SIPA1L2: variants seen among roughly 807,000 people sequenced by gnomAD.
SIPA1L2 encodes the protein signal induced proliferation associated 1 like 2, also known as signal-induced proliferation-associated 1-like protein 2.
In SIPA1L2, 56 loss-of-function variants were observed where a neutral mutation model predicts 163.9. The ratio of observed to expected loss-of-function variants is 0.34; its 90% CI spans 0.28 to 0.43. The LOEUF (loss-of-function observed/expected upper bound fraction) is 0.43, where lower values mean the gene tolerates loss of function less well. SIPA1L2 is among the 20% of genes least tolerant of loss of function. SIPA1L2 has a pLI of 1.00. For synonymous variants in SIPA1L2, 877 were observed against 865.7 expected, an observed-to-expected ratio of 1.01 and a Z score of -0.23; for missense variants, 1,974 against 2,193.5, an observed-to-expected ratio of 0.90 and a Z score of 2.00.
In SIPA1L2 at chr1:232,441,775, C is replaced by G. The variant is rs1327714783; in HGVS notation, c.3531G>C (p.Arg1177Ser). 2 of 1,613,694 alleles carry G rather than the reference C, an allele frequency of 1.2e-6. No individual in the cohort carries two copies. The highest frequency in any genetic ancestry group is 1.7e-6 in the Non-Finnish European group (2 of 1,179,834). Residue 1177 changes from arginine (R) to serine (S), a missense_variant, in exon 13 of 23, where the codon AGG becomes AGC. This residue lies in a region of SIPA1L2 where 1,079 missense variants were observed against 1,150.7 expected (regional missense o/e 0.94). Coordinates refer to ENST00000674635, the MANE Select transcript of SIPA1L2 (RefSeq NM_020808.5). ...CCAGGAGTTCCTTATTACCCGGGTGCCTGCTTGCTTCCATGGTGTCTTCCC... is the reference window on the plus strand; with the variant it reads ...CCAGGAGTTCCTTATTACCCGGGTGGCTGCTTGCTTCCATGGTGTCTTCCC... ...REREDTMEAS[R>S]HPETKWHGPP...
intron 9 of SIPA1L2, 114 bp downstream of exon 9, chr1:232,464,726 T>C (rs1664417332): frequency 1.2e-6 from 1 of 853,524 alleles, no homozygotes; most frequent in Non-Finnish European, 1.8e-6. Context: ...CTGTAACAAA[T>C]AGTAATGCAT....
At position 232,616,987 on chromosome 1, in the gene SIPA1L2, T is replaced by G. The variant is rs77173839; in HGVS notation, c.-319+12882A>C. ...TCTGTATTTTTTCAGGGCTAATTGA[T>G]TAGTCTCCTTCACATATTATCATAA... On this transcript the variant is annotated intron_variant, in intron 1 of 22. Coordinates refer to ENST00000674635, the MANE Select transcript of SIPA1L2 (RefSeq NM_020808.5). 2.0e-4 allele frequency among the ~76,000 whole-genome samples: 30 copies of G among 152,364 alleles called. No homozygotes were observed. In the East Asian group the frequency reaches 5.8e-3, roughly 29 times the overall value.
At chr1:232,607,095 A>G (rs1483606759) in intron 1 of SIPA1L2, among the ~76,000 whole-genome samples, 1 of 152,138 alleles carries the variant, frequency 6.6e-6, no homozygotes, top group Non-Finnish European at 1.5e-5. Flanking sequence ...TCATTCAAAT[A>G]TTTTAACAGC....
chr1:232,432,176 GA>G, intron 16 of SIPA1L2, 70 bp downstream of exon 16: 1 of 1,240,602 alleles, frequency 8.1e-7, no homozygotes, highest in Non-Finnish European at 1.1e-6. Flanking sequence ...CCTTTGGGAG[GA>G]AAATACATTT....
intron 1 of SIPA1L2, among the ~76,000 whole-genome samples, chr1:232,584,485 T>G (rs1162935785): frequency 6.6e-6 from 1 of 152,226 alleles, no homozygotes; most frequent in Non-Finnish European, 1.5e-5. Context: ...CCTAGTCCAA[T>G]CATATTTCTG....
chr1:232,531,238 C>T (rs192701085), intron 2 of SIPA1L2, among the ~76,000 whole-genome samples: 43 of 149,090 alleles, frequency 2.9e-4, no homozygotes, highest in African/African-American at 8.6e-4. Context: ...TTTACCTATC[C>T]GCCTTACCAA....
At chr1:232,461,509 C>T (rs1216658929) in intron 9 of SIPA1L2, among the ~76,000 whole-genome samples, 2 of 152,214 alleles carry the variant, frequency 1.3e-5, no homozygotes, top group Admixed American at 1.3e-4. Context: ...TCAGATAATT[C>T]CCGTTTTTCC....
At chr1:232,597,091 G>A (rs1338716473) in intron 1 of SIPA1L2, among the ~76,000 whole-genome samples, 1 of 152,076 alleles carries the variant, frequency 6.6e-6, no homozygotes, top group Non-Finnish European at 1.5e-5. Flanking sequence ...TCAAAGCTTG[G>A]GCAGGAAGAG....
chr1:232,546,263 T>G (rs12064604), intron 2 of SIPA1L2, among the ~76,000 whole-genome samples: 1 of 152,066 alleles, frequency 6.6e-6, no homozygotes, highest in Admixed American at 6.5e-5. Flanking sequence ...CTTCTCTAGA[T>G]AAAGGATTTT....
At chr1:232,627,419 C>G (rs1663135059) in intron 1 of SIPA1L2, among the ~76,000 whole-genome samples, 1 of 152,064 alleles carries the variant, frequency 6.6e-6, no homozygotes, top group Non-Finnish European at 1.5e-5. Context: ...AAATAATAAC[C>G]CGCTTCTCCT....
At chr1:232,562,973 C>T (rs1287341176) in intron 2 of SIPA1L2, among the ~76,000 whole-genome samples, 2 of 152,202 alleles carry the variant, frequency 1.3e-5, no homozygotes, top group Admixed American at 6.5e-5. Flanking sequence ...CTGGCATCAC[C>T]TGTTAGACTG....
intron 1 of SIPA1L2, among the ~76,000 whole-genome samples, chr1:232,604,935 G>A (rs1232506963): frequency 2.0e-5 from 3 of 152,078 alleles, no homozygotes; most frequent in African/African-American, 4.8e-5. Context: ...CATGCTTCCC[G>A]TGCAGCCTGC....
At position 232,399,188 on chromosome 1, in the gene SIPA1L2, G is replaced by A. The variant is rs755779196; in HGVS notation, c.5108C>T (p.Ala1703Val). The A allele has an allele frequency of 6.2e-6, 10 of 1,613,748 alleles. No individual in the cohort carries two copies. The highest frequency in any genetic ancestry group is 1.3e-5 in the African/African-American group (1 of 74,798). ...TGTGAATTTCCGCAGCTGAGCTGTC[G>A]CGGTCTGGGACTCCTCCTGCAGTCT... Reference protein sequence around the residue: ...NMRLQEESQTATAQLRKFTEW... With the variant: ...NMRLQEESQTVTAQLRKFTEW... The change falls in exon 23 of 23, where the codon GCG becomes GTG. Residue 1703 changes from alanine to valine, a missense_variant. Physicochemically the swap from Ala to Val is moderately conservative, Grantham distance 64. This residue lies in a region of SIPA1L2 where 1,079 missense variants were observed against 1,150.7 expected (regional missense o/e 0.94). Transcript: ENST00000674635.
chr1:232,603,522 G>A (rs1342932332), intron 1 of SIPA1L2, among the ~76,000 whole-genome samples: 3 of 152,124 alleles, frequency 2.0e-5, no homozygotes, highest in East Asian at 1.9e-4. Context: ...CAAGAGGAGC[G>A]GAAAGCAACA....
intron 1 of SIPA1L2, among the ~76,000 whole-genome samples, chr1:232,597,662 C>G (rs1661341789): frequency 7.3e-6 from 1 of 136,594 alleles, no homozygotes; most frequent in Admixed American, 7.9e-5. Context: ...TGCACTCCAG[C>G]CTGGGCGACA....
At chr1:232,602,248 G>A (rs921197092) in intron 1 of SIPA1L2, among the ~76,000 whole-genome samples, 1 of 152,220 alleles carries the variant, frequency 6.6e-6, no homozygotes, top group African/African-American at 2.4e-5. Flanking sequence ...GGAGAGTGGT[G>A]TGGGAGGAGA....
At chr1:232,616,779 C>T (rs1437261452) in intron 1 of SIPA1L2, among the ~76,000 whole-genome samples, 2 of 152,206 alleles carry the variant, frequency 1.3e-5, no homozygotes, top group Non-Finnish European at 2.9e-5. Context: ...CCACCATTAA[C>T]CCGGTACAGC....
chr1:232,597,400 G>A (rs951806492), intron 1 of SIPA1L2, among the ~76,000 whole-genome samples: 9 of 151,988 alleles, frequency 5.9e-5, no homozygotes, highest in Admixed American at 1.3e-4. Context: ...AGATTTGGCC[G>A]GGCGCGGTGG....
At chr1:232,504,893 A>AC in intron 3 of SIPA1L2, among the ~76,000 whole-genome samples, 1 of 152,352 alleles carries the variant, frequency 6.6e-6, no homozygotes, top group Non-Finnish European at 1.5e-5. Flanking sequence ...GCAAACCCAG[A>AC]CAGTCCGGCT....
Sources: allele counts gnomAD v4.1 joint callset (sites outside exome capture counted in the v4.1 genomes callset), GRCh38; gene constraint gnomAD v4.1.1; regional missense constraint gnomAD v4.1.1; transcripts MANE v1.5; gene names NCBI Gene and HGNC (gene_info 2026-07-23, HGNC 2026-07-21).